FER: variants seen among roughly 807,000 people sequenced by gnomAD.
FER encodes the protein tyrosine-protein kinase Fer.
A neutral mutation model predicts 111.0 loss-of-function variants in FER; 63 were observed. The ratio of observed to expected loss-of-function variants is 0.57; its 90% CI spans 0.46 to 0.70. The LOEUF (loss-of-function observed/expected upper bound fraction) is 0.70, where lower values mean the gene tolerates loss of function less well. FER is among the 30% of genes least tolerant of loss of function. The pLI is 0.00. For missense variants in FER, 914 were observed against 954.0 expected, an observed-to-expected ratio of 0.96 and a Z score of 0.55; for synonymous variants, 327 against 313.9, an observed-to-expected ratio of 1.04 and a Z score of -0.44.
intron 13 of FER, among the ~76,000 whole-genome samples, chr5:108,963,516 T>G (rs1381604025): frequency 2.0e-5 from 3 of 152,052 alleles, no homozygotes; most frequent in African/African-American, 7.2e-5. Flanking sequence ...GAGCTGAGAT[T>G]GTGCCACTGC....
chr5:108,965,102 T>C (rs1400970243), intron 13 of FER, among the ~76,000 whole-genome samples: 1 of 152,210 alleles, frequency 6.6e-6, no homozygotes, highest in Admixed American at 6.5e-5. Flanking sequence ...TTCTATTTAA[T>C]TGGCTTTTTT....
intron 10 of FER, chr5:108,924,476 G>T (rs1753472698): frequency 7.3e-6 from 4 of 544,892 alleles, no homozygotes; most frequent in South Asian, 9.9e-5. Flanking sequence ...ACATTTGTTG[G>T]CTGTATCTGT....
chr5:108,817,340 C>G (rs1758392213), intron 3 of FER, among the ~76,000 whole-genome samples: 1 of 152,010 alleles, frequency 6.6e-6, no homozygotes, highest in African/African-American at 2.4e-5. Context: ...CATAAAGACA[C>G]AGAGACTCCA....
At chr5:108,940,446 A>G (rs1184931028) in intron 10 of FER, among the ~76,000 whole-genome samples, 2 of 152,120 alleles carry the variant, frequency 1.3e-5, no homozygotes, top group East Asian at 1.9e-4. Flanking sequence ...AATAAGCTAC[A>G]AAATAGTAGT....
intron 5 of FER, chr5:108,841,803 CCTTT>C (rs1233889281): frequency 7.2e-6 from 3 of 418,878 alleles, no homozygotes; most frequent in African/African-American, 6.2e-5. Context: ...ACTCAGTCTT[CCTTT>C]CTTTTTTTCC....
At chr5:108,757,470 A>G (rs1286159252) in intron 1 of FER, among the ~76,000 whole-genome samples, 2 of 152,178 alleles carry the variant, frequency 1.3e-5, no homozygotes, top group African/African-American at 4.8e-5. Context: ...GAAAACAGAC[A>G]TTTTTGAATA....
intron 5 of FER, among the ~76,000 whole-genome samples, chr5:108,845,669 G>A (rs1351740696): frequency 1.3e-5 from 2 of 152,008 alleles, no homozygotes. Flanking sequence ...GAATAGAAGT[G>A]AGAGGAGCAA....
chr5:109,168,519 C>G (rs1031161330), intron 17 of FER, among the ~76,000 whole-genome samples: 1 of 152,170 alleles, frequency 6.6e-6, no homozygotes, highest in South Asian at 2.1e-4. Context: ...ACAGTGTTTC[C>G]AGAGCTTCCA....
intron 3 of FER, among the ~76,000 whole-genome samples, chr5:108,825,609 C>T (rs569344787): frequency 5.5e-4 from 84 of 152,266 alleles, no homozygotes; most frequent in Admixed American, 2.1e-3. Flanking sequence ...GATATACATC[C>T]TCCTCAGCTG....
intron 2 of FER, among the ~76,000 whole-genome samples, chr5:108,789,772 T>C (rs557196239): frequency 6.6e-6 from 1 of 152,090 alleles, no homozygotes; most frequent in African/African-American, 2.4e-5. Flanking sequence ...CCAGCCAATT[T>C]TTGTATTTTT....
chr5:108,775,827 G>T (rs969020798), intron 2 of FER, among the ~76,000 whole-genome samples: 2 of 152,098 alleles, frequency 1.3e-5, no homozygotes, highest in African/African-American at 2.4e-5. Flanking sequence ...CTAAGCTTTG[G>T]TGACTGTTCA....
At chr5:108,979,467 G>A (rs1043973281) in intron 13 of FER, among the ~76,000 whole-genome samples, 1 of 152,092 alleles carries the variant, frequency 6.6e-6, no homozygotes, top group African/African-American at 2.4e-5. Context: ...AACAGTAGAT[G>A]TATTAAGCAT....
At chr5:108,841,605 T>C (rs1041776223) in intron 5 of FER, among the ~76,000 whole-genome samples, 2 of 152,196 alleles carry the variant, frequency 1.3e-5, no homozygotes, top group Non-Finnish European at 2.9e-5. Flanking sequence ...AATGCTGTTG[T>C]TGTTCATGGG....
chr5:109,122,655 C>A (rs59430990), intron 17 of FER, among the ~76,000 whole-genome samples: 1 of 152,042 alleles, frequency 6.6e-6, no homozygotes, highest in Non-Finnish European at 1.5e-5. Flanking sequence ...ATGTCCAATG[C>A]GGAAAGTGGG....
At chr5:108,791,292 G>T (rs1035451813) in intron 2 of FER, among the ~76,000 whole-genome samples, 5 of 141,794 alleles carry the variant, frequency 3.5e-5, no homozygotes, top group African/African-American at 1.4e-4. Context: ...ATTCTCTTCA[G>T]TGCTAAACTA....
At chr5:109,185,996 A>G (rs1006418155) in intron 18 of FER, among the ~76,000 whole-genome samples, 1 of 152,196 alleles carries the variant, frequency 6.6e-6, no homozygotes, top group African/African-American at 2.4e-5. Flanking sequence ...AATGTGTTAT[A>G]CTATGACATT....
At chr5:108,829,683 A>G (rs1180816553) in intron 3 of FER, among the ~76,000 whole-genome samples, 2 of 152,068 alleles carry the variant, frequency 1.3e-5, no homozygotes, top group African/African-American at 4.8e-5. Flanking sequence ...TATTTAATTC[A>G]TGGTTTTATT....
rs760889360 is a variant in FER, at chr5:109,187,588, G to A, written c.*13G>A. 1.9e-5 allele frequency: 31 copies of A among 1,613,656 alleles called. No homozygotes were observed. In the Middle Eastern group the frequency reaches 4.9e-4, roughly 26 times the overall value. On this transcript the variant is annotated 3_prime_UTR_variant, in exon 20 of 20. Transcript: ENST00000281092. The stretch of plus-strand genomic sequence containing the variant: ...AAAACTCACATAGTGACAGGATGGC[G>A]CCAAACTCAGCCTTCAGGACTCTGT...
intron 14 of FER, among the ~76,000 whole-genome samples, chr5:109,039,421 ATAT>A (rs2149887558): frequency 6.6e-6 from 1 of 152,244 alleles, no homozygotes; most frequent in Non-Finnish European, 1.5e-5. Context: ...ACGGAGCTTA[ATAT>A]TCTTTCTAGG....
Sources: gnomAD v4.1 joint callset for allele counts (sites outside exome capture counted in the v4.1 genomes callset) on GRCh38, gnomAD v4.1.1 for gene constraint, MANE v1.5 for transcripts, NCBI Gene and HGNC (gene_info 2026-07-23, HGNC 2026-07-21) for gene names.